COMMD10: variants seen among roughly 807,000 people sequenced by gnomAD.
COMMD10 encodes the protein COMM domain containing 10, also known as COMM domain-containing protein 10.
COMMD10 carries 33 observed loss-of-function variants against 28.9 expected under a neutral mutation model. That is an observed-to-expected ratio of 1.14 (90% CI 0.87 to 1.53). COMMD10 has a LOEUF of 1.53. COMMD10 is among the 40% of genes most tolerant of loss of function. The pLI is 0.00. For missense variants in COMMD10, 310 were observed against 233.4 expected (o/e 1.33, Z -2.14); for synonymous variants, 110 against 81.7 (o/e 1.35, Z -1.87).
chr5:116,087,312 G>T (rs1227518150), intron 1 of COMMD10, among the ~76,000 whole-genome samples, 185 bp from the exon 2 acceptor site: 1 of 152,138 alleles, frequency 6.6e-6, no homozygotes, highest in African/African-American at 2.4e-5. Context: ...AGTAATTTTG[G>T]GGGCATCTTT....
chr5:116,114,413 G>T (rs891201124), intron 4 of COMMD10, among the ~76,000 whole-genome samples: 4 of 152,096 alleles, frequency 2.6e-5, no homozygotes, highest in Non-Finnish European at 4.4e-5. Flanking sequence ...ATTGCAATTG[G>T]CTGTGTGGGC....
At chr5:116,128,777 C>G (rs991502980) in intron 4 of COMMD10, among the ~76,000 whole-genome samples, 3 of 151,936 alleles carry the variant, frequency 2.0e-5, no homozygotes, top group South Asian at 2.1e-4. Context: ...ATTGATATTT[C>G]TGAAGTATAC....
chr5:116,129,986 A>G (rs1017830295), intron 4 of COMMD10, among the ~76,000 whole-genome samples: 1 of 151,334 alleles, frequency 6.6e-6, no homozygotes, highest in Non-Finnish European at 1.5e-5. Context: ...GCACAAACAC[A>G]TATGAGGTCA....
intron 4 of COMMD10, among the ~76,000 whole-genome samples, chr5:116,113,794 T>A (rs1751138026): frequency 6.6e-6 from 1 of 152,178 alleles, no homozygotes; most frequent in African/African-American, 2.4e-5. Flanking sequence ...GTTTTCTTTT[T>A]GGTTCTGCTC....
chr5:116,254,155 A>AT (rs1750207747), intron 5 of COMMD10, among the ~76,000 whole-genome samples: 2 of 151,770 alleles, frequency 1.3e-5, no homozygotes, highest in African/African-American at 4.8e-5. Context: ...CCCCTTTATC[A>AT]TTTTTTATTG....
intron 5 of COMMD10, among the ~76,000 whole-genome samples, chr5:116,272,558 C>G (rs937286423): frequency 6.6e-6 from 1 of 151,840 alleles, no homozygotes; most frequent in African/African-American, 2.4e-5. Flanking sequence ...AGCCTTTGCT[C>G]GTGACTGGAC....
rs1751162596 is a variant in COMMD10, at chr5:116,284,356, GTA to G, written c.511-7153_511-7152del. On this transcript the variant is annotated intron_variant, in intron 5 of 6. Transcript: ENST00000274458. Reference sequence around the variant, plus strand: ...TGTGTGTATGTATGTGTGTGTGTGTGTATATATATGTATTTAGATAGATATAC... The same window carrying G: ...TGTGTGTATGTATGTGTGTGTGTGTGTATATATGTATTTAGATAGATATAC... Among the ~76,000 whole-genome samples the G allele has an allele frequency of 5.3e-5, 8 of 151,706 alleles. 1 individual carries two copies. The highest frequency in any genetic ancestry group is 1.9e-4 in the African/African-American group (8 of 41,132).
intron 5 of COMMD10, among the ~76,000 whole-genome samples, chr5:116,211,664 G>A (rs1490017782): frequency 6.6e-6 from 1 of 152,080 alleles, no homozygotes; most frequent in Non-Finnish European, 1.5e-5. Context: ...ATACATGGAT[G>A]CATTTTCAAT....
rs79444392 is a variant in COMMD10 at position 116,237,377 on chromosome 5, C to G, written c.511-54140C>G. 8.0e-3 allele frequency among the ~76,000 whole-genome samples: 1,224 copies of G among 152,116 alleles called. 22 individuals are homozygous for G. Among genetic ancestry groups the G allele is most frequent in the African/African-American group, 0.028 (1,148 of 41,494 alleles). ...AATGGTTATATTTGAGTATTTTTCT[C>G]TTTGGTAGTTTTATTAAAACAGATG... On this transcript the variant is annotated intron_variant, in intron 5 of 6. Transcript: ENST00000274458.
chr5:116,279,629 GACTA>G (rs767853959), intron 5 of COMMD10, among the ~76,000 whole-genome samples: 3 of 151,784 alleles, frequency 2.0e-5, no homozygotes, highest in Non-Finnish European at 4.4e-5. Flanking sequence ...ATATTCACTG[GACTA>G]ACTTTTTTTA....
intron 5 of COMMD10, among the ~76,000 whole-genome samples, chr5:116,157,140 A>C (rs191903954): frequency 5.9e-5 from 9 of 152,226 alleles, no homozygotes; most frequent in African/African-American, 2.2e-4. Context: ...TTTTTTAATG[A>C]ATTTCTAGTT....
chr5:116,146,609 C>G (rs946067861), intron 5 of COMMD10, among the ~76,000 whole-genome samples: 5 of 151,840 alleles, frequency 3.3e-5, no homozygotes, highest in Non-Finnish European at 5.9e-5. Flanking sequence ...ACACTTCTTT[C>G]CTGGCATAGT....
rs182230964 is a variant in COMMD10 at position 116,244,213 on chromosome 5, T to G, written c.511-47304T>G. 5.7e-3 allele frequency among the ~76,000 whole-genome samples: 868 copies of G among 152,156 alleles called. 10 individuals are homozygous for G. The highest frequency in any genetic ancestry group is 0.02 in the African/African-American group (827 of 41,536). ...AAAAGAAGAGACTGCTTTCTTTCAT[T>G]TTTTTTCTTTTTTAAAACAACTTGT... On this transcript the variant is annotated intron_variant, in intron 5 of 6. Transcript: ENST00000274458.
At chr5:116,086,513 C>T (rs1750103018) in intron 1 of COMMD10, among the ~76,000 whole-genome samples, 1 of 151,870 alleles carries the variant, frequency 6.6e-6, no homozygotes, top group African/African-American at 2.4e-5. Flanking sequence ...GGCTGGAGTG[C>T]AATGGCGCCA....
At chr5:116,231,128 A>T (rs1325683188) in intron 5 of COMMD10, among the ~76,000 whole-genome samples, 3 of 152,094 alleles carry the variant, frequency 2.0e-5, no homozygotes, top group Non-Finnish European at 2.9e-5. Context: ...AGCCTCTCAG[A>T]TGTTCTAAAA....
chr5:116,131,694 A>G (rs1464405385), intron 4 of COMMD10, among the ~76,000 whole-genome samples: 1 of 151,990 alleles, frequency 6.6e-6, no homozygotes, highest in East Asian at 1.9e-4. Context: ...CCTAATGGAG[A>G]TTGCACTCTA....
chr5:116,095,510 T>G (rs1462484602), intron 4 of COMMD10, among the ~76,000 whole-genome samples: 5 of 152,180 alleles, frequency 3.3e-5, no homozygotes, highest in Admixed American at 6.5e-5. Context: ...TCAAGGAGCA[T>G]CTGTATATTC....
At chr5:116,270,572 G>A (rs1750727228) in intron 5 of COMMD10, among the ~76,000 whole-genome samples, 1 of 151,854 alleles carries the variant, frequency 6.6e-6, no homozygotes, top group Admixed American at 6.6e-5. Flanking sequence ...CTTAGATTAG[G>A]TAGTGGCATG....
intron 5 of COMMD10, among the ~76,000 whole-genome samples, chr5:116,157,694 G>A (rs1188491982): frequency 6.6e-6 from 1 of 152,128 alleles, no homozygotes; most frequent in Non-Finnish European, 1.5e-5. Context: ...CACTTCAAAG[G>A]TTATGTTTAT....
Sources: allele counts gnomAD v4.1 joint callset (sites outside exome capture counted in the v4.1 genomes callset), GRCh38; gene constraint gnomAD v4.1.1; transcripts MANE v1.5; gene names NCBI Gene and HGNC (gene_info 2026-07-23, HGNC 2026-07-21).